Variants in GLB1L2 observed in about 807,000 individuals in gnomAD.
GLB1L2 encodes the protein galactosidase beta 1 like 2, also known as beta-galactosidase-1-like protein 2.
A neutral mutation model predicts 84.1 loss-of-function variants in GLB1L2; 68 were observed. The ratio of observed to expected loss-of-function variants is 0.81; its 90% confidence interval spans 0.67 to 0.99. The LOEUF (loss-of-function observed/expected upper bound fraction) is 0.99. Ranked by LOEUF, GLB1L2 falls within the 50% of genes least tolerant of loss-of-function variation. The pLI is 0.00. For synonymous variants in GLB1L2, 290 were observed against 318.0 expected (o/e 0.91, Z 0.94); for missense variants, 762 against 805.6 (o/e 0.95, Z 0.66).
At chr11:134,362,359 C>T (rs977831578) in intron 7 of GLB1L2, among the ~76,000 whole-genome samples, 18 of 149,516 alleles carry the variant, frequency 1.2e-4, no homozygotes, top group Non-Finnish European at 2.2e-4. Flanking sequence ...GCGCTGCCCG[C>T]GTGTTTTTCT....
At chr11:134,354,573 C>T (rs1591617166) in intron 5 of GLB1L2, among the ~76,000 whole-genome samples, 1 of 151,734 alleles carries the variant, frequency 6.6e-6, no homozygotes, top group African/African-American at 2.4e-5. Context: ...AATGAACTCT[C>T]TTAGCTTTAC....
At chr11:134,350,643 CT>C (rs1480227655) in intron 5 of GLB1L2, among the ~76,000 whole-genome samples, 1 of 152,234 alleles carries the variant, frequency 6.6e-6, no homozygotes, top group East Asian at 1.9e-4. Context: ...GTGCAGATCA[CT>C]GTTAAAATTT....
At chr11:134,354,541 T>C (rs1395523170) in intron 5 of GLB1L2, among the ~76,000 whole-genome samples, 1 of 152,154 alleles carries the variant, frequency 6.6e-6, no homozygotes, top group African/African-American at 2.4e-5. Context: ...AGGTGTTTTT[T>C]TTCTAGGGAA....
Position 134,375,428 on chromosome 11 carries a change from C to G in GLB1L2, c.*370C>G, listed in dbSNP as rs1394145203. 1 of 202,782 alleles carries G rather than the reference C, an allele frequency of 4.9e-6. No individual in the cohort carries two copies. The highest frequency in any genetic ancestry group is 5.9e-5 in the Admixed American group (1 of 16,924). 12.6% of individuals were successfully genotyped at this position (202,782 alleles called of 1,614,324 possible). On this transcript the variant is annotated 3_prime_UTR_variant, in exon 19 of 19. Coordinates refer to ENST00000535456, the MANE Select transcript of GLB1L2 (RefSeq NM_001370461.1). ...CCTGCGAGCATCTGCTGGACTCAGG[C>G]GTGCTCTTTGCTGGTTCCTGGGAGG... is the stretch of plus-strand genomic sequence containing the variant.
At chr11:134,371,889 G>A (rs1317343773) in intron 15 of GLB1L2, 59 bp downstream of exon 15, 1 of 1,517,610 alleles carries the variant, frequency 6.6e-7, no homozygotes, top group Non-Finnish European at 9.1e-7. Flanking sequence ...GGTGGCTATT[G>A]CTTCTCTATG....
At chr11:134,333,186 GT>G (rs1445631155) in intron 1 of GLB1L2, among the ~76,000 whole-genome samples, 1 of 152,180 alleles carries the variant, frequency 6.6e-6, no homozygotes, top group Admixed American at 6.5e-5. Flanking sequence ...CTGGATTCTT[GT>G]TTCTGAGATA....
intron 2 of GLB1L2, among the ~76,000 whole-genome samples, chr11:134,343,499 T>C (rs929097565): frequency 5.9e-5 from 9 of 152,190 alleles, no homozygotes; most frequent in Admixed American, 5.2e-4. Context: ...TCCCCCCAAA[T>C]TGCCAACTGA....
chr11:134,371,881 T>C, intron 15 of GLB1L2, 51 bp downstream of exon 15: 6 of 1,552,182 alleles, frequency 3.9e-6, no homozygotes, highest in Non-Finnish European at 5.3e-6. Flanking sequence ...GACACACAGG[T>C]GGCTATTGCT....
rs747302493 is a variant in GLB1L2, at chr11:134,369,886, G to T, written c.1108+1G>T. On this transcript the variant is annotated splice_donor_variant, in intron 11 of 18. Coordinates refer to ENST00000535456, the MANE Select transcript of GLB1L2 (RefSeq NM_001370461.1). LOFTEE classifies it high-confidence loss of function. The stretch of plus-strand genomic sequence containing the variant: ...CGAGACTTCTTCGGCTCCATCTCAG[G>T]TACCCAGCAGACAGCAGACTCAAGT... 1 of 1,613,044 alleles carries T rather than the reference G, an allele frequency of 6.2e-7. No individual in the cohort carries two copies. Among genetic ancestry groups the T allele is most frequent in the Non-Finnish European group, 8.5e-7 (1 of 1,179,120 alleles).
intron 5 of GLB1L2, among the ~76,000 whole-genome samples, chr11:134,354,344 G>T (rs1943674447): frequency 1.3e-5 from 2 of 151,900 alleles, no homozygotes; most frequent in African/African-American, 4.8e-5. Context: ...TTCATATTGG[G>T]TGTACCCATT....
At position 134,334,824 on chromosome 11, in the gene GLB1L2, A is replaced by G. The variant is rs2136253336; in HGVS notation, c.86+2677A>G. 6.6e-6 allele frequency among the ~76,000 whole-genome samples: 1 copy of G among 152,318 alleles called. No homozygotes were observed. The highest frequency in any genetic ancestry group is 1.5e-5 in the Non-Finnish European group (1 of 68,036). ...TTATTTTGAGGTCTGCGATGCACGT[A>G]TCAGTGCGAACCGTGCCTTTGAGCC... On this transcript the variant is annotated intron_variant, in intron 1 of 18. Transcript: ENST00000535456. This position sits in a 1 kb window ranked among gnomAD's most constrained non-coding sequence, Gnocchi z 4.1.
intron 6 of GLB1L2, among the ~76,000 whole-genome samples, chr11:134,357,271 A>G (rs1943716931): frequency 6.6e-6 from 1 of 152,224 alleles, no homozygotes; most frequent in African/African-American, 2.4e-5. Context: ...CTGGAAATTA[A>G]TTCAGTCCCT....
At chr11:134,352,799 G>A (rs1258414941) in intron 5 of GLB1L2, among the ~76,000 whole-genome samples, 1 of 151,806 alleles carries the variant, frequency 6.6e-6, no homozygotes, top group African/African-American at 2.4e-5. Context: ...AGGTGCCCGT[G>A]ACCACGCCCG....
At chr11:134,332,291 C>T (rs888746500) in intron 1 of GLB1L2, 144 bp downstream of exon 1, 13 of 559,342 alleles carry the variant, frequency 2.3e-5, no homozygotes, top group Non-Finnish European at 4.1e-5. Flanking sequence ...CTCCCCAATA[C>T]CCCCGAGTTC....
At chr11:134,342,713 G>C in intron 1 of GLB1L2, 41 bp from the exon 2 acceptor site, 1 of 1,578,434 alleles carries the variant, frequency 6.3e-7, no homozygotes, top group Non-Finnish European at 8.7e-7. Flanking sequence ...TCTCTCTGCG[G>C]CCCGGAGCCT....
chr11:134,336,357 T>G (rs1943387705), intron 1 of GLB1L2, among the ~76,000 whole-genome samples: 1 of 152,222 alleles, frequency 6.6e-6, no homozygotes, highest in African/African-American at 2.4e-5. Flanking sequence ...CTATCCCCTA[T>G]TCATATCAGC....
Position 134,369,785 on chromosome 11 carries a change from CA to C in GLB1L2, c.1028-19del. ...GTGCTGGGGACAGGAATGACCATGA[CA>C]GGGCCCGGTGTCTTGCAGACTATGA... is the stretch of plus-strand genomic sequence containing the variant. On this transcript the variant is annotated intron_variant, in intron 10 of 18. Coordinates refer to ENST00000535456, the MANE Select transcript of GLB1L2 (RefSeq NM_001370461.1). The C allele has an allele frequency of 6.2e-7, 1 of 1,602,450 alleles. No individual in the cohort carries two copies. The highest frequency in any genetic ancestry group is 2.2e-5 in the East Asian group (1 of 44,530).
At position 134,367,270 on chromosome 11, in the gene GLB1L2, A is replaced by C. The variant is rs1591623455; in HGVS notation, c.818A>C (p.Lys273Thr). Residue 273 changes from lysine to threonine, a missense_variant, in exon 9 of 19, where the codon AAG becomes ACG. By Grantham distance (78) the Lys-to-Thr change is moderately conservative. Transcript: ENST00000535456. ...FLFNVQGTQP[K>T]MVMEYWTGWF... The stretch of plus-strand genomic sequence containing the variant: ...TGTGGTGTCCAGGGGACTCAGCCCA[A>C]GATGGTGATGGAGTACTGGACGGGG... 1 of 1,614,010 alleles carries C rather than the reference A, an allele frequency of 6.2e-7. No homozygotes were observed. The highest frequency in any genetic ancestry group is 1.3e-5 in the African/African-American group (1 of 74,940).
chr11:134,366,987 A>G (rs1943874303), intron 8 of GLB1L2: 1 of 487,820 alleles, frequency 2.0e-6, no homozygotes, highest in Non-Finnish European at 3.7e-6. Context: ...GCTAACACGT[A>G]TGCAACATTA....
Sources: gnomAD v4.1 joint callset for allele counts (sites outside exome capture counted in the v4.1 genomes callset) on GRCh38, gnomAD v4.1.1 for gene constraint, Gnocchi (gnomAD v3.1) non-coding constraint, MANE v1.5 for transcripts, NCBI Gene and HGNC (gene_info 2026-07-23, HGNC 2026-07-21) for gene names.